The following ESR1 variants were observed in gnomAD, a reference collection of about 807,000 sequenced individuals.
ESR1 encodes the protein estrogen receptor 1.
A neutral mutation model predicts 52.7 loss-of-function variants in ESR1; 12 were observed. The ratio of observed to expected loss-of-function variants is 0.23; its 90% confidence interval spans 0.15 to 0.37. The LOEUF is 0.37. Among genes scored for constraint, ESR1 ranks in the 10% least tolerant of loss-of-function variants. The pLI is 1.00. For missense variants in ESR1, 584 were observed against 779.7 expected (o/e 0.75, Z 2.99); for synonymous variants, 305 against 316.8 (o/e 0.96, Z 0.39).
Position 152,101,658 on chromosome 6 carries a change from A to C in ESR1, c.*2692A>C. On this transcript the variant is annotated 3_prime_UTR_variant, in exon 8 of 8. Coordinates refer to ENST00000206249, the MANE Select transcript of ESR1 (RefSeq NM_000125.4). Reference sequence around the variant, plus strand: ...GTGTAGGAACATGATTTAAAAAAAAACTCTTGCCTCTGCTTTCCCCCACTC... The same window carrying C: ...GTGTAGGAACATGATTTAAAAAAAACCTCTTGCCTCTGCTTTCCCCCACTC... 4.3e-6 allele frequency: 1 copy of C among 231,014 alleles called. No homozygotes were observed. Among genetic ancestry groups the C allele is most frequent in the Admixed American group, 5.7e-5 (1 of 17,694 alleles). 14.3% of individuals were successfully genotyped at this position (231,014 alleles called of 1,614,324 possible). A position where few individuals can be genotyped will look rare whatever the true frequency, so the allele number is the denominator to read the frequency against.
At chr6:151,847,218 C>G (rs1785295110) in intron 2 of ESR1, among the ~76,000 whole-genome samples, 1 of 152,154 alleles carries the variant, frequency 6.6e-6, no homozygotes, top group Non-Finnish European at 1.5e-5. Flanking sequence ...AGAGCCTGAT[C>G]CACCAGGCCT....
At chr6:151,851,100 T>C (rs1583668268) in intron 2 of ESR1, among the ~76,000 whole-genome samples, 1 of 152,212 alleles carries the variant, frequency 6.6e-6, no homozygotes. Flanking sequence ...AATCTTGTTC[T>C]AGCCTATCTT....
At chr6:151,915,833 G>T (rs1258124346) in intron 3 of ESR1, among the ~76,000 whole-genome samples, 1 of 149,108 alleles carries the variant, frequency 6.7e-6, no homozygotes, top group Non-Finnish European at 1.5e-5. Flanking sequence ...TTGACTGGAG[G>T]CTCCTTTCTC....
At chr6:151,836,711 G>T (rs557890779) in intron 1 of ESR1, among the ~76,000 whole-genome samples, 1 of 152,160 alleles carries the variant, frequency 6.6e-6, no homozygotes. Flanking sequence ...TGTGGTAAGT[G>T]CCATGAAAAA....
chr6:151,699,836 C>G (rs1779634212), intron 1 of ESR1, among the ~76,000 whole-genome samples: 1 of 152,012 alleles, frequency 6.6e-6, no homozygotes, highest in Non-Finnish European at 1.5e-5. Context: ...TTAGGTCAAG[C>G]CTATGCAGCA....
rs574084295 is a variant in ESR1, at chr6:152,115,940, A to AT, written c.851-9323dup. 9.2e-5 allele frequency among the ~76,000 whole-genome samples: 14 copies of AT among 152,270 alleles called. No homozygotes were observed. In the East Asian group the frequency reaches 2.5e-3, roughly 27 times the overall value. ...AGTAACTACTGATCCCCAGCTACCA[A>AT]TTTAATTGGTTTGGGGTATGGCCTG... is the stretch of plus-strand genomic sequence containing the variant. On this transcript the variant is annotated intron_variant, in intron 6 of 6. Coordinates refer to the ESR1 transcript ENST00000427531.
chr6:151,892,641 G>C (rs904257130), intron 3 of ESR1, among the ~76,000 whole-genome samples: 6 of 149,656 alleles, frequency 4.0e-5, no homozygotes, highest in African/African-American at 1.5e-4. Context: ...ACTAAGACTG[G>C]AATCCCAAGA....
intron 1 of ESR1, among the ~76,000 whole-genome samples, chr6:151,660,915 C>T (rs768032361): frequency 6.6e-6 from 1 of 152,134 alleles, no homozygotes; most frequent in Non-Finnish European, 1.5e-5. Flanking sequence ...GATGCTTGGG[C>T]TCCACTTCCA....
intron 1 of ESR1, among the ~76,000 whole-genome samples, chr6:151,661,657 C>T (rs1202873633): frequency 6.6e-6 from 1 of 152,158 alleles, no homozygotes; most frequent in African/African-American, 2.4e-5. Flanking sequence ...GCTCTGTGTC[C>T]CTACCCAAAT....
At chr6:151,951,858 C>T (rs1294555808) in intron 4 of ESR1, among the ~76,000 whole-genome samples, 3 of 152,224 alleles carry the variant, frequency 2.0e-5, no homozygotes, top group South Asian at 2.1e-4. Context: ...ACTCCTCTCC[C>T]TTCTGCCAGG....
chr6:151,685,572 G>GTA (rs1778633861), upstream of ESR1, among the ~76,000 whole-genome samples: 1 of 152,232 alleles, frequency 6.6e-6, no homozygotes, highest in Admixed American at 6.5e-5. Flanking sequence ...CTGCTGAGAA[G>GTA]TGTGTGCATT....
At chr6:152,033,558 G>A (rs1459641911) in intron 5 of ESR1, among the ~76,000 whole-genome samples, 1 of 152,128 alleles carries the variant, frequency 6.6e-6, no homozygotes, top group Admixed American at 6.5e-5. Flanking sequence ...CATCATCACT[G>A]GCCATCAGAG....
chr6:152,122,934 C>T (rs964625388), intron 6 of ESR1, among the ~76,000 whole-genome samples: 1 of 151,920 alleles, frequency 6.6e-6, no homozygotes, highest in Admixed American at 6.5e-5. Context: ...ACTCCTTTTA[C>T]CCCTTAATGT....
intron 3 of ESR1, among the ~76,000 whole-genome samples, chr6:151,883,879 C>G (rs1303673800): frequency 1.3e-5 from 2 of 152,102 alleles, no homozygotes; most frequent in Non-Finnish European, 1.5e-5. Flanking sequence ...CTTCTTCTTA[C>G]GAAGACACCA....
At chr6:152,089,760 G>T (rs1038685729) in intron 6 of ESR1, among the ~76,000 whole-genome samples, 1 of 152,130 alleles carries the variant, frequency 6.6e-6, no homozygotes, top group African/African-American at 2.4e-5. Flanking sequence ...TGTAATTTTA[G>T]TAGAGACAGG....
intron 6 of ESR1, among the ~76,000 whole-genome samples, chr6:152,065,844 A>C (rs1231998600): frequency 6.6e-6 from 1 of 152,194 alleles, no homozygotes; most frequent in Non-Finnish European, 1.5e-5. Flanking sequence ...GTTCATCCAA[A>C]ACTGATCCTC....
intron 1 of ESR1, among the ~76,000 whole-genome samples, chr6:151,818,298 A>G (rs1344587430): frequency 6.6e-6 from 1 of 152,138 alleles, no homozygotes; most frequent in East Asian, 1.9e-4. Flanking sequence ...TTTGGGTGAG[A>G]AGTGAACATG....
At chr6:151,684,041 C>T (rs1326210469) in intron 1 of ESR1, among the ~76,000 whole-genome samples, 1 of 151,998 alleles carries the variant, frequency 6.6e-6, no homozygotes, top group African/African-American at 2.4e-5. Context: ...TGTCTCCCTT[C>T]CTAGACACAA....
At chr6:151,785,223 T>C (rs993773570) in intron 2 of ESR1, among the ~76,000 whole-genome samples, 1 of 152,084 alleles carries the variant, frequency 6.6e-6, no homozygotes, top group African/African-American at 2.4e-5. Flanking sequence ...AGCACCCCAG[T>C]GACAGGACAG....
Sources: gnomAD v4.1 joint callset for allele counts (sites outside exome capture counted in the v4.1 genomes callset) on GRCh38, gnomAD v4.1.1 for gene constraint, MANE v1.5 for transcripts, NCBI Gene and HGNC (gene_info 2026-07-23, HGNC 2026-07-21) for gene names.